TPO: variants seen among roughly 807,000 people sequenced by gnomAD.
TPO encodes the protein thyroid peroxidase, also known as thyroid microsomal antigen.
Under a neutral mutation model 96.9 loss-of-function variants are expected in TPO, and 78 were observed. The observed-to-expected ratio is 0.81, with a 90% confidence interval of 0.67 to 0.97. The LOEUF is 0.97. Among genes scored for constraint, TPO ranks in the 50% least tolerant of loss-of-function variants. The pLI is 0.00. For missense variants in TPO, 1,252 were observed against 1,274.8 expected, an observed-to-expected ratio of 0.98 and a Z score of 0.27; for synonymous variants, 547 against 538.0, an observed-to-expected ratio of 1.02 and a Z score of -0.23.
intron 14 of TPO, among the ~76,000 whole-genome samples, chr2:1,514,499 C>T (rs888157065): frequency 6.6e-6 from 1 of 152,204 alleles, no homozygotes; most frequent in South Asian, 2.1e-4. Context: ...TCCAAAGGCC[C>T]TCGTTGGCCT....
At position 1,487,999 on chromosome 2, in the gene TPO, A is replaced by G. The variant is rs774266159; in HGVS notation, c.1768+8A>G. The G allele has an allele frequency of 6.2e-7, 1 of 1,612,472 alleles. No homozygotes were observed. Among genetic ancestry groups the G allele is most frequent in the East Asian group, 2.2e-5 (1 of 44,884 alleles). ...GGGACCACGGGCTGCCAGGTCTGCCAGTTCCTTCCCTTGCACACCTCATGC... is the reference window on the plus strand; with the variant it reads ...GGGACCACGGGCTGCCAGGTCTGCCGGTTCCTTCCCTTGCACACCTCATGC... On this transcript the variant is annotated splice_region_variant and intron_variant, in intron 10 of 16. Coordinates refer to ENST00000329066, the MANE Select transcript of TPO (RefSeq NM_001206744.2).
intron 10 of TPO, 37 bp from the exon 11 acceptor site, chr2:1,493,765 T>C: frequency 6.2e-7 from 1 of 1,612,192 alleles, no homozygotes; most frequent in Non-Finnish European, 8.5e-7. Flanking sequence ...AAAGTTCAGT[T>C]CTGTGAGAGA....
intron 15 of TPO, among the ~76,000 whole-genome samples, chr2:1,519,104 T>A (rs1674989146): frequency 6.6e-6 from 1 of 152,194 alleles, no homozygotes; most frequent in Non-Finnish European, 1.5e-5. Context: ...CCACAGGAAC[T>A]GGGAGGGAGG....
At chr2:1,385,141 G>A (rs1460306014) in intron 1 of TPO, among the ~76,000 whole-genome samples, 1 of 152,180 alleles carries the variant, frequency 6.6e-6, no homozygotes, top group Non-Finnish European at 1.5e-5. Context: ...TTGCATCAGT[G>A]TTCATCAGGG....
Position 1,503,968 on chromosome 2 carries a change from G to C in TPO, c.2407G>C (p.Gly803Arg). ...LCKDVNECADGAHPPCHASAR... is the reference protein window; with the variant it reads ...LCKDVNECADRAHPPCHASAR... ...GGCAGATGTGAACGAGTGTGCAGAC[G>C]GTGCCCACCCCCCCTGCCACGCCTC... is the stretch of plus-strand genomic sequence containing the variant. Residue 803 changes from glycine to arginine, a missense_variant, in exon 14 of 17, where the codon GGT becomes CGT. By Grantham distance (125) the Gly-to-Arg change is moderately radical. Coordinates refer to ENST00000329066, the MANE Select transcript of TPO (RefSeq NM_001206744.2). 1 of 1,614,104 alleles carries C rather than the reference G, an allele frequency of 6.2e-7. No homozygotes were observed. Among genetic ancestry groups the C allele is most frequent in the South Asian group, 1.1e-5 (1 of 91,086 alleles).
At chr2:1,530,172 C>G (rs1287821312) in intron 15 of TPO, among the ~76,000 whole-genome samples, 1 of 110,154 alleles carries the variant, frequency 9.1e-6, no homozygotes, top group Non-Finnish European at 1.8e-5. Flanking sequence ...TCCTCAAATC[C>G]CCCCACTGTG....
intron 4 of TPO, 95 bp downstream of exon 4, chr2:1,433,702 T>A: frequency 1.4e-6 from 2 of 1,443,600 alleles, no homozygotes; most frequent in East Asian, 2.5e-5. Context: ...GCATGTTTTT[T>A]ACTTGAGACC....
At chr2:1,512,597 TC>T in intron 14 of TPO, 1 of 552,644 alleles carries the variant, frequency 1.8e-6, no homozygotes, top group Non-Finnish European at 2.3e-6. Flanking sequence ...GAACACGTCT[TC>T]CCGCTGAGCC....
At chr2:1,378,111 C>T (rs1440289314) in intron 1 of TPO, among the ~76,000 whole-genome samples, 4 of 152,194 alleles carry the variant, frequency 2.6e-5, no homozygotes, top group East Asian at 1.9e-4. Flanking sequence ...TTTCACCTTC[C>T]TCAGTGATTG....
chr2:1,488,923 A>G lies in TPO; in HGVS notation c.1768+932A>G, dbSNP rs903373462. Among the ~76,000 whole-genome samples the G allele has an allele frequency of 2.6e-5, 4 of 152,130 alleles. No individual in the cohort carries two copies. The East Asian group carries it at 5.8e-4, about 22-fold the overall frequency. On this transcript the variant is annotated intron_variant, in intron 10 of 16. Coordinates refer to ENST00000329066, the MANE Select transcript of TPO (RefSeq NM_001206744.2). The stretch of plus-strand genomic sequence containing the variant: ...TTGGGAGGATGCAGAAGGGGCCCCT[A>G]TGTGTGTCAGGATAACGCACACTGT...
At chr2:1,453,880 G>A in intron 6 of TPO, 57 bp downstream of exon 6, 1 of 1,612,034 alleles carries the variant, frequency 6.2e-7, no homozygotes, top group East Asian at 2.2e-5. Flanking sequence ...GATGCTGAGG[G>A]AGGGAAATAG....
At chr2:1,542,394 A>T (rs1558450499) in intron 16 of TPO, 27 bp from the exon 17 acceptor site, 2 of 1,613,930 alleles carry the variant, frequency 1.2e-6, no homozygotes, top group East Asian at 2.2e-5. Context: ...TTCAGACGTT[A>T]TTAATGTTTG....
At chr2:1,469,681 T>C (rs749776206) in intron 7 of TPO, among the ~76,000 whole-genome samples, 8 of 152,174 alleles carry the variant, frequency 5.3e-5, no homozygotes, top group Non-Finnish European at 1.0e-4. Context: ...CTCGGCTCTC[T>C]AAATGGACTC....
chr2:1,426,228 T>C (rs1664372476), intron 3 of TPO, among the ~76,000 whole-genome samples: 1 of 147,922 alleles, frequency 6.8e-6, no homozygotes, highest in South Asian at 2.2e-4. Context: ...TTGTTCTAGA[T>C]GCCGGGATAC....
At chr2:1,466,855 A>AT (rs200814647) in intron 7 of TPO, among the ~76,000 whole-genome samples, 197 of 151,288 alleles carry the variant, frequency 1.3e-3, no homozygotes, top group African/African-American at 4.4e-3. Flanking sequence ...TATCTTTTGT[A>AT]TTTTTTTTGT....
chr2:1,531,834 C>T (rs1323877416), intron 15 of TPO, among the ~76,000 whole-genome samples: 1 of 81,804 alleles, frequency 1.2e-5, no homozygotes, highest in Non-Finnish European at 2.5e-5. Flanking sequence ...AAATCACCCC[C>T]ACTCTCTGCA....
At position 1,542,603 on chromosome 2, in the gene TPO, A is replaced by G. The variant is rs772745867; in HGVS notation, c.*129A>G. Reference sequence around the variant, plus strand: ...TCCCAACACGGGTAAATCTAGTACCATGTCGTAGTTACTCTCAGGCATGGA... The same window carrying G: ...TCCCAACACGGGTAAATCTAGTACCGTGTCGTAGTTACTCTCAGGCATGGA... On this transcript the variant is annotated 3_prime_UTR_variant, in exon 17 of 17. Transcript: ENST00000329066. The G allele has an allele frequency of 1.3e-5, 21 of 1,556,020 alleles. No individual in the cohort carries two copies. The highest frequency in any genetic ancestry group is 4.8e-5 in the South Asian group (4 of 84,196).
chr2:1,541,074 A>G (rs1405915199), intron 16 of TPO: 2 of 1,232,636 alleles, frequency 1.6e-6, no homozygotes, highest in African/African-American at 1.6e-5. Flanking sequence ...CTGATTTTTA[A>G]GTGGAATAGT....
rs185748170 is a variant in TPO, at chr2:1,446,837, T to C, written c.483-6857T>C. Among the ~76,000 whole-genome samples the C allele has an allele frequency of 6.5e-3, 988 of 152,328 alleles. 6 individuals carry two copies. The highest frequency in any genetic ancestry group is 9.8e-3 in the Non-Finnish European group (669 of 68,034). On this transcript the variant is annotated intron_variant, in intron 5 of 16. Transcript: ENST00000329066. ...TCATGGAAAGAAAACTTTTTTGTTA[T>C]GTTTAAGAATCTTGCTTTCTCTGAA...
Sources: gnomAD v4.1 joint callset for allele counts (sites outside exome capture counted in the v4.1 genomes callset) on GRCh38, gnomAD v4.1.1 for gene constraint, MANE v1.5 for transcripts, NCBI Gene and HGNC (gene_info 2026-07-23, HGNC 2026-07-21) for gene names.